CRISPLD2: variants seen among roughly 807,000 people sequenced by gnomAD.
The protein encoded by CRISPLD2 is cysteine-rich secretory protein LCCL domain-containing 2.
A neutral mutation model predicts 71.1 loss-of-function variants in CRISPLD2; 47 were observed. That is an observed-to-expected ratio of 0.66 (90% CI 0.52 to 0.84). The LOEUF is 0.84. CRISPLD2 is among the 40% of genes least tolerant of loss of function. CRISPLD2 has a pLI of 0.00. For missense variants in CRISPLD2, 830 were observed against 651.1 expected, an observed-to-expected ratio of 1.27 and a Z score of -2.99; for synonymous variants, 317 against 250.1, an observed-to-expected ratio of 1.27 and a Z score of -2.52.
intron 3 of CRISPLD2, among the ~76,000 whole-genome samples, chr16:84,848,985 C>CAA (rs11389223): frequency 0.013 from 1,398 of 106,162 alleles, 35 homozygotes; most frequent in Middle Eastern, 0.025. Context: ...GACTCCGTCT[C>CAA]AAAAAAAAAA....
At chr16:84,820,789 C>T (rs1190794026) in intron 1 of CRISPLD2, among the ~76,000 whole-genome samples, 1 of 152,138 alleles carries the variant, frequency 6.6e-6, no homozygotes, top group African/African-American at 2.4e-5. Flanking sequence ...TGGGGGAACA[C>T]GTTTCTGGGT....
intron 13 of CRISPLD2, chr16:84,880,840 G>C: frequency 3.3e-6 from 1 of 301,978 alleles, no homozygotes; most frequent in Non-Finnish European, 6.3e-6. Flanking sequence ...CAAGTAGCTG[G>C]GGTTACACAG....
At chr16:84,860,632 G>A (rs1319005831) in intron 6 of CRISPLD2, among the ~76,000 whole-genome samples, 1 of 152,162 alleles carries the variant, frequency 6.6e-6, no homozygotes, top group Non-Finnish European at 1.5e-5. Context: ...ACTGGGGATG[G>A]GGAACCTGTT....
intron 1 of CRISPLD2, among the ~76,000 whole-genome samples, chr16:84,832,517 C>T (rs537144783): frequency 2.0e-5 from 3 of 152,388 alleles, no homozygotes; most frequent in Middle Eastern, 3.4e-3. Flanking sequence ...CAAACACTGA[C>T]TTAGACATCG....
intron 1 of CRISPLD2, among the ~76,000 whole-genome samples, chr16:84,834,447 C>T (rs971694898): frequency 2.0e-5 from 3 of 152,334 alleles, no homozygotes; most frequent in Non-Finnish European, 2.9e-5. Flanking sequence ...CCAGGGCTGC[C>T]GGGCACTGCC....
intron 12 of CRISPLD2, among the ~76,000 whole-genome samples, chr16:84,879,552 G>C (rs2071550220): frequency 6.6e-6 from 1 of 152,106 alleles, no homozygotes; most frequent in African/African-American, 2.4e-5. Flanking sequence ...AGTAGAGATG[G>C]GGTTTCACCA....
At chr16:84,828,379 G>A (rs1041717570) in intron 1 of CRISPLD2, 3 of 152,210 alleles carry the variant, frequency 2.0e-5, no homozygotes, top group African/African-American at 4.8e-5. Flanking sequence ...AAGAAACTCA[G>A]GGCCTCATGC....
intron 5 of CRISPLD2, among the ~76,000 whole-genome samples, chr16:84,852,847 G>C (rs745860684): frequency 6.6e-6 from 1 of 152,138 alleles, no homozygotes; most frequent in African/African-American, 2.4e-5. Flanking sequence ...CAGGAGAATC[G>C]CTTGAGTCCA....
chr16:84,855,726 A>C (rs1917221183), intron 6 of CRISPLD2, among the ~76,000 whole-genome samples: 2 of 152,174 alleles, frequency 1.3e-5, no homozygotes, highest in South Asian at 4.1e-4. Flanking sequence ...GAACCCATAC[A>C]CATCTCCTGA....
chr16:84,867,089 A>T (rs1263755239), intron 7 of CRISPLD2, 49 bp downstream of exon 7: 1 of 1,589,464 alleles, frequency 6.3e-7, no homozygotes, highest in East Asian at 2.2e-5. Flanking sequence ...GCCACCTCCA[A>T]AGGGGACGGG....
intron 5 of CRISPLD2, 72 bp from the exon 6 acceptor site, chr16:84,854,657 C>T: frequency 8.8e-7 from 1 of 1,132,214 alleles, no homozygotes; most frequent in South Asian, 1.2e-5. Context: ...TCACGTGGGC[C>T]TTGGAAGAGG....
At chr16:84,888,785 G>A (rs1441112549) in intron 13 of CRISPLD2, among the ~76,000 whole-genome samples, 2 of 152,208 alleles carry the variant, frequency 1.3e-5, no homozygotes, top group African/African-American at 2.4e-5. Context: ...TTTCCTTTAT[G>A]TCGTTCTGTC....
intron 5 of CRISPLD2, 43 bp downstream of exon 5, chr16:84,850,726 G>A (rs1597458107): frequency 2.0e-6 from 3 of 1,506,574 alleles, no homozygotes; most frequent in Non-Finnish European, 2.8e-6. Context: ...GGGTTGGGAT[G>A]TGTTTGCTTG....
At chr16:84,896,139 G>C (rs2071703812) in intron 14 of CRISPLD2, among the ~76,000 whole-genome samples, 1 of 151,688 alleles carries the variant, frequency 6.6e-6, no homozygotes, top group Non-Finnish European at 1.5e-5. Context: ...CCTGGGTTCA[G>C]TGATTATCCT....
At chr16:84,899,103 C>T (rs538285101) in intron 14 of CRISPLD2, among the ~76,000 whole-genome samples, 97 of 152,258 alleles carry the variant, frequency 6.4e-4, no homozygotes, top group African/African-American at 2.2e-3. Flanking sequence ...GTCACCCAGG[C>T]TGATCTCAAA....
chr16:84,834,191 A>C (rs7404726), intron 1 of CRISPLD2, among the ~76,000 whole-genome samples: 1 of 152,050 alleles, frequency 6.6e-6, no homozygotes, highest in African/African-American at 2.4e-5. Flanking sequence ...GTGAGAGGAG[A>C]TCACGGAGGT....
chr16:84,909,451 G>A lies in CRISPLD2; in HGVS notation c.*2809G>A, dbSNP rs1314641761. The A allele has an allele frequency of 1.3e-5, 2 of 152,648 alleles. No individual in the cohort carries two copies. The highest frequency in any genetic ancestry group is 2.4e-5 in the African/African-American group (1 of 41,454). 9.5% of individuals were successfully genotyped at this position (152,648 alleles called of 1,614,324 possible). A position where few individuals can be genotyped will look rare whatever the true frequency, so the allele number is the denominator to read the frequency against. ...CTGGTTTGATTTCTAAAATGTTCCT[G>A]TAACATATCTTTTATGAACAAATCT... On this transcript the variant is annotated 3_prime_UTR_variant, in exon 15 of 15. Transcript: ENST00000262424.
intron 8 of CRISPLD2, among the ~76,000 whole-genome samples, 161 bp downstream of exon 8, chr16:84,869,072 G>A (rs9940634): frequency 1.3e-5 from 2 of 152,220 alleles, no homozygotes; most frequent in African/African-American, 4.8e-5. Context: ...GCAGTGTCTG[G>A]GCATGTGTTC....
chr16:84,859,180 C>G (rs1917318570), intron 6 of CRISPLD2, among the ~76,000 whole-genome samples: 1 of 152,210 alleles, frequency 6.6e-6, no homozygotes, highest in Admixed American at 6.5e-5. Flanking sequence ...AGTGGGGGTT[C>G]TGCCAGCTGC....
Sources: allele counts gnomAD v4.1 joint callset (sites outside exome capture counted in the v4.1 genomes callset), GRCh38; gene constraint gnomAD v4.1.1; transcripts MANE v1.5; gene names NCBI Gene and HGNC (gene_info 2026-07-23, HGNC 2026-07-21).